The following SLIT3 variants were observed in gnomAD, a reference collection of about 807,000 sequenced individuals.
The protein encoded by SLIT3 is slit guidance ligand 3, also known as slit homolog 3 protein.
SLIT3 carries 68 observed loss-of-function variants against 184.0 expected under a neutral mutation model. That is an observed-to-expected ratio of 0.37 (90% CI 0.30 to 0.45). The LOEUF is 0.45. Ranked by LOEUF, SLIT3 falls within the 20% of genes least tolerant of loss-of-function variation. The pLI is 1.00. For missense variants in SLIT3, 1,707 were observed against 2,026.0 expected, an observed-to-expected ratio of 0.84 and a Z score of 3.02; for synonymous variants, 831 against 828.6, an observed-to-expected ratio of 1.00 and a Z score of -0.05.
chr5:168,739,807 T>C (rs1194791431), intron 20 of SLIT3, among the ~76,000 whole-genome samples: 1 of 152,180 alleles, frequency 6.6e-6, no homozygotes, highest in Non-Finnish European at 1.5e-5. Flanking sequence ...CCAAAAAGCA[T>C]ACCACAACAA....
At chr5:169,276,400 A>G (rs1254603975) in intron 1 of SLIT3, among the ~76,000 whole-genome samples, 1 of 152,196 alleles carries the variant, frequency 6.6e-6, no homozygotes, top group Non-Finnish European at 1.5e-5. Flanking sequence ...AGAGCTGCTA[A>G]CAAAGATTCC....
chr5:168,988,351 C>T lies in SLIT3; in HGVS notation c.414-105015G>A, dbSNP rs75320366. 9.7e-3 allele frequency among the ~76,000 whole-genome samples: 1,471 copies of T among 152,258 alleles called. 21 individuals carry two copies. Among genetic ancestry groups the T allele is most frequent in the South Asian group, 0.044 (214 of 4,810 alleles). ...GGACATGCAATTTCCCAAAGTCCTA[C>T]AATTCCATAATTTTATATTTGGAAG... is the stretch of plus-strand genomic sequence containing the variant. On this transcript the variant is annotated intron_variant, in intron 4 of 35. Coordinates refer to ENST00000519560, the MANE Select transcript of SLIT3 (RefSeq NM_003062.4).
At chr5:169,289,706 T>C (rs539629206) in intron 1 of SLIT3, among the ~76,000 whole-genome samples, 42 of 152,206 alleles carry the variant, frequency 2.8e-4, no homozygotes, top group East Asian at 3.9e-4. Flanking sequence ...GGAGAATACA[T>C]AGAGGGCAGT....
chr5:168,793,633 A>C (rs184661085), intron 10 of SLIT3, among the ~76,000 whole-genome samples: 1 of 152,364 alleles, frequency 6.6e-6, no homozygotes, highest in African/African-American at 2.4e-5. Context: ...AGGTTGGAGA[A>C]GGAACAGTAA....
chr5:169,274,919 G>C (rs1766750647), intron 1 of SLIT3, among the ~76,000 whole-genome samples: 1 of 152,176 alleles, frequency 6.6e-6, no homozygotes. Flanking sequence ...CAACCTCATA[G>C]GGTTGTTGTG....
intron 20 of SLIT3, among the ~76,000 whole-genome samples, chr5:168,735,292 G>A (rs1763396343): frequency 6.6e-6 from 1 of 152,146 alleles, no homozygotes; most frequent in Non-Finnish European, 1.5e-5. Flanking sequence ...GGTGCTGACT[G>A]ATGCCCCACA....
At chr5:168,875,951 A>C (rs1455219505) in intron 5 of SLIT3, among the ~76,000 whole-genome samples, 4 of 152,136 alleles carry the variant, frequency 2.6e-5, no homozygotes, top group Non-Finnish European at 5.9e-5. Flanking sequence ...CAAAGCAGGA[A>C]AGGCTGGGGA....
intron 4 of SLIT3, among the ~76,000 whole-genome samples, chr5:168,897,433 CAG>C (rs1760706421): frequency 6.6e-6 from 1 of 151,204 alleles, no homozygotes; most frequent in South Asian, 2.1e-4. Flanking sequence ...GAGAGAGAGA[CAG>C]AGAGAGGGAG....
intron 31 of SLIT3, 31 bp downstream of exon 31, chr5:168,685,656 C>A (rs537531385): frequency 8.6e-6 from 13 of 1,512,442 alleles, no homozygotes; most frequent in Non-Finnish European, 1.2e-5. Flanking sequence ...ATGTTGAGGT[C>A]CTTCCAAGGG....
At chr5:169,041,200 T>C (rs992037581) in intron 4 of SLIT3, among the ~76,000 whole-genome samples, 8 of 152,232 alleles carry the variant, frequency 5.3e-5, no homozygotes, top group African/African-American at 1.9e-4. Context: ...TGGCCCCAAC[T>C]ACTTCACATG....
In SLIT3 at chr5:168,758,870, C is replaced by T. The variant is rs149719691; in HGVS notation, c.1685+1992G>A. On this transcript the variant is annotated intron_variant, in intron 16 of 35. Transcript: ENST00000519560. ...AGTAAGCATCCCTAACCAGAATGTC[C>T]GAAACTTTCTGAGTGCTGATATGAT... 5.9e-5 allele frequency among the ~76,000 whole-genome samples: 9 copies of T among 152,256 alleles called. No individual in the cohort carries two copies. The East Asian group carries it at 9.6e-4, about 16-fold the overall frequency.
chr5:169,213,567 A>G (rs1399176793), intron 3 of SLIT3, among the ~76,000 whole-genome samples: 1 of 152,152 alleles, frequency 6.6e-6, no homozygotes, highest in Non-Finnish European at 1.5e-5. Context: ...CTCTCTTCAA[A>G]TATCCCTTCC....
intron 4 of SLIT3, among the ~76,000 whole-genome samples, chr5:169,173,333 G>C (rs1762874046): frequency 6.6e-6 from 1 of 152,176 alleles, no homozygotes; most frequent in Non-Finnish European, 1.5e-5. Flanking sequence ...GAGTTAGAAG[G>C]CATAAAGATG....
chr5:169,245,729 G>A (rs1036478443), intron 2 of SLIT3, among the ~76,000 whole-genome samples: 1 of 152,188 alleles, frequency 6.6e-6, no homozygotes, highest in Non-Finnish European at 1.5e-5. Context: ...CAGATGGAGA[G>A]GAAGAGCAAC....
intron 3 of SLIT3, among the ~76,000 whole-genome samples, chr5:169,229,497 G>C (rs1335464927): frequency 6.6e-6 from 1 of 152,202 alleles, no homozygotes; most frequent in East Asian, 1.9e-4. Context: ...TTTTTCAGAT[G>C]AGAAGAAGCA....
At chr5:169,142,080 A>T (rs963362382) in intron 4 of SLIT3, among the ~76,000 whole-genome samples, 1 of 42,768 alleles carries the variant, frequency 2.3e-5, no homozygotes, top group African/African-American at 1.7e-4. Flanking sequence ...AATAAAAATA[A>T]AAATAAATAA....
intron 20 of SLIT3, among the ~76,000 whole-genome samples, chr5:168,737,454 TGCACACACACAC>T (rs1252611265): frequency 6.6e-6 from 1 of 151,900 alleles, no homozygotes; most frequent in African/African-American, 2.4e-5. Flanking sequence ...GTCAGTGCTG[TGCACACACACAC>T]ACACATGCAC....
intron 2 of SLIT3, among the ~76,000 whole-genome samples, chr5:169,250,830 T>C (rs1291435357): frequency 6.6e-6 from 1 of 152,228 alleles, no homozygotes; most frequent in African/African-American, 2.4e-5. Context: ...ACTCACAGAC[T>C]TAAGGATTGA....
At position 169,301,090 on chromosome 5, in the gene SLIT3, G is replaced by T; in HGVS notation, c.-381C>A. 1 of 153,532 alleles carries T rather than the reference G, an allele frequency of 6.5e-6. No homozygotes were observed. The highest frequency in any genetic ancestry group is 1.8e-4 in the South Asian group (1 of 5,444). 9.5% of individuals were successfully genotyped at this position (153,532 alleles called of 1,614,324 possible). On this transcript the variant is annotated 5_prime_UTR_variant, in exon 1 of 36. Coordinates refer to ENST00000519560, the MANE Select transcript of SLIT3 (RefSeq NM_003062.4). ...TGGGGAGCGCGGCGGCTGCGGCTGGGGCACGGGGCGGCCGGGTGAGCTGGC... is the reference window on the plus strand; with the variant it reads ...TGGGGAGCGCGGCGGCTGCGGCTGGTGCACGGGGCGGCCGGGTGAGCTGGC...
Sources: gnomAD v4.1 joint callset for allele counts (sites outside exome capture counted in the v4.1 genomes callset) on GRCh38, gnomAD v4.1.1 for gene constraint, MANE v1.5 for transcripts, NCBI Gene and HGNC (gene_info 2026-07-23, HGNC 2026-07-21) for gene names.